DOCK7: variants seen among roughly 807,000 people sequenced by gnomAD.
The protein encoded by DOCK7 is dedicator of cytokinesis 7.
In DOCK7, 138 loss-of-function variants were observed where a neutral mutation model predicts 271.0. That is an observed-to-expected ratio of 0.51 (90% CI 0.44 to 0.59). The LOEUF is 0.59. Ranked by LOEUF, DOCK7 falls within the 20% of genes least tolerant of loss-of-function variation. The pLI, the probability that DOCK7 is intolerant of heterozygous loss-of-function variation, is 0.00. For missense variants in DOCK7, 2,066 were observed against 2,592.4 expected, an observed-to-expected ratio of 0.80 and a Z score of 4.41; for synonymous variants, 823 against 876.1, an observed-to-expected ratio of 0.94 and a Z score of 1.07.
At chr1:62,502,565 G>A (rs1181728846) in intron 37 of DOCK7, among the ~76,000 whole-genome samples, 1 of 152,124 alleles carries the variant, frequency 6.6e-6, no homozygotes, top group Non-Finnish European at 1.5e-5. Context: ...CCACAAAAAC[G>A]AATTTTCACT....
In DOCK7 at chr1:62,562,125, A is replaced by G. The variant is rs1326870442; in HGVS notation, c.2113-422T>C. ...TCATGTCAATAAATTCAAATTTACA[A>G]TATCATTTTAATGGCCTCTAATATT... is the stretch of plus-strand genomic sequence containing the variant. On this transcript the variant is annotated intron_variant, in intron 18 of 49. Transcript: ENST00000635253. Among the ~76,000 whole-genome samples the G allele has an allele frequency of 3.3e-5, 5 of 151,882 alleles. No individual in the cohort carries two copies. The East Asian group carries it at 9.7e-4, about 29-fold the overall frequency.
At chr1:62,667,799 C>T (rs1216720418) in intron 1 of DOCK7, among the ~76,000 whole-genome samples, 1 of 152,134 alleles carries the variant, frequency 6.6e-6, no homozygotes, top group Admixed American at 6.5e-5. Context: ...AGGCGAACTG[C>T]CTGAGGTCAG....
chr1:62,566,993 T>C (rs1646538878), intron 18 of DOCK7, among the ~76,000 whole-genome samples: 1 of 152,120 alleles, frequency 6.6e-6, no homozygotes, highest in Non-Finnish European at 1.5e-5. Context: ...AAAACCACAA[T>C]GAGATACCAT....
intron 2 of DOCK7, among the ~76,000 whole-genome samples, chr1:62,660,906 C>T (rs187122924): frequency 6.6e-6 from 1 of 152,140 alleles, no homozygotes; most frequent in East Asian, 1.9e-4. Flanking sequence ...CAAGACCAGC[C>T]TAGGCAACAT....
At position 62,631,326 on chromosome 1, in the gene DOCK7, G is replaced by A. The variant is rs1337938869; in HGVS notation, c.1196C>T (p.Ala399Val). The part of the protein sequence containing the change: ...QRLGKYRMPF[A>V]WTAIHLMNIV... ...ATTCATTAAATGGATTGCAGTCCAA[G>A]CAAAAGGCATGCGATATTTCCCAAG... The change falls in exon 11 of 50, where the codon GCT becomes GTT. Residue 399 changes from alanine to valine, a missense_variant. Physicochemically the swap from Ala to Val is moderately conservative, Grantham distance 64. Transcript: ENST00000635253. The A allele has an allele frequency of 6.2e-7, 1 of 1,613,430 alleles. No homozygotes were observed. Among genetic ancestry groups the A allele is most frequent in the Non-Finnish European group, 8.5e-7 (1 of 1,179,794 alleles).
intron 43 of DOCK7, chr1:62,484,167 CT>C (rs1268605614): frequency 1.3e-5 from 2 of 152,194 alleles, no homozygotes; most frequent in Non-Finnish European, 2.9e-5. Flanking sequence ...AACCAAAATA[CT>C]GGCTCACATT....
At position 62,663,084 on chromosome 1, in the gene DOCK7, C is replaced by A. The variant is rs1189009630; in HGVS notation, c.85G>T (p.Gly29Cys). The A allele has an allele frequency of 8.7e-6, 14 of 1,612,524 alleles. No homozygotes were observed. Among genetic ancestry groups the A allele is most frequent in the East Asian group, 2.2e-5 (1 of 44,814 alleles). ...AGGTTTTTGAGCAGTTGGGGAGAAC[C>A]ACTATATTGTCCGGAGATCTGCTTC... ...VRKQISGQYS[G>C]SPQLLKNLNI... The change falls in exon 2 of 50, where the codon GGT becomes TGT. Residue 29 changes from glycine (G) to cysteine (C), a missense_variant. Gly to Cys is a radical substitution (Grantham distance 159, BLOSUM62 -3). This residue lies in a region of DOCK7 where 1,414 missense variants were observed against 1,670.4 expected (regional missense o/e 0.85). Coordinates refer to ENST00000635253, the MANE Select transcript of DOCK7 (RefSeq NM_001367561.1).
intron 14 of DOCK7, among the ~76,000 whole-genome samples, chr1:62,600,190 A>G (rs1649904893): frequency 6.6e-6 from 1 of 151,878 alleles, no homozygotes. Context: ...ATAGTAATAT[A>G]CATTGTGTCT....
Position 62,559,028 on chromosome 1 carries a change from G to T in DOCK7, c.2392C>A (p.Leu798Ile), listed in dbSNP as rs372835437. 48 of 1,613,280 alleles carry T rather than the reference G, an allele frequency of 3.0e-5. No individual in the cohort carries two copies. The highest frequency in any genetic ancestry group is 4.0e-5 in the Non-Finnish European group (47 of 1,179,734). The change falls in exon 20 of 50, where the codon CTT (leucine) becomes ATT (isoleucine). Residue 798 changes from leucine to isoleucine, a missense_variant. Transcript: ENST00000635253. ...ATGACAGGAGGTCTAATAACTAAAA[G>T]TATCAGTTTATCTAGCAGAAGATGA... ...FLHLLLDKLI[L>I]LVIRPPVIAG...
At chr1:62,516,696 C>T (rs1289200951) in intron 31 of DOCK7, 1 of 152,106 alleles carries the variant, frequency 6.6e-6, no homozygotes, top group Non-Finnish European at 1.5e-5. Flanking sequence ...ATTATTTTCC[C>T]CAGTTTGTGT....
chr1:62,586,720 A>G (rs1647588955), intron 14 of DOCK7, 96 bp from the exon 15 acceptor site: 1 of 646,106 alleles, frequency 1.5e-6, no homozygotes, highest in African/African-American at 1.9e-5. Flanking sequence ...CAAATACTGA[A>G]TTACTGATAT....
Position 62,537,881 on chromosome 1 carries a change from A to G in DOCK7, c.3471+10T>C, listed in dbSNP as rs1645398536. On this transcript the variant is annotated intron_variant, in intron 28 of 49. Coordinates refer to ENST00000635253, the MANE Select transcript of DOCK7 (RefSeq NM_001367561.1). ...CTTTAAATATATGTATATTCACACA[A>G]TTTGCATACCTGAGATGTTGCAGAA... 6.2e-7 allele frequency: 1 copy of G among 1,609,558 alleles called. No homozygotes were observed.
At chr1:62,553,280 G>A (rs1645978041) in intron 21 of DOCK7, among the ~76,000 whole-genome samples, 1 of 135,780 alleles carries the variant, frequency 7.4e-6, no homozygotes, top group Non-Finnish European at 1.5e-5. Flanking sequence ...CGATCCGCCT[G>A]AAGAGGCAGG....
intron 47 of DOCK7, among the ~76,000 whole-genome samples, chr1:62,474,291 CT>C (rs944028453): frequency 1.3e-5 from 2 of 152,180 alleles, no homozygotes; most frequent in African/African-American, 2.4e-5. Context: ...GAATTAACTT[CT>C]TATGAGTTTA....
intron 14 of DOCK7, chr1:62,609,466 T>G (rs76133718): frequency 6.6e-6 from 1 of 152,186 alleles, no homozygotes; most frequent in Non-Finnish European, 1.5e-5. Context: ...TAGATGGGAA[T>G]AATAATCCTG....
intron 22 of DOCK7, among the ~76,000 whole-genome samples, chr1:62,546,321 G>A (rs1471428675): frequency 6.6e-6 from 1 of 152,012 alleles, no homozygotes; most frequent in African/African-American, 2.4e-5. Flanking sequence ...CAACCCTCAA[G>A]GGCTTAGGTT....
chr1:62,480,548 A>AG (rs1646090765), intron 43 of DOCK7, among the ~76,000 whole-genome samples: 2 of 152,238 alleles, frequency 1.3e-5, no homozygotes, highest in South Asian at 4.1e-4. Flanking sequence ...GGTAATGCAT[A>AG]GGGTTCTACT....
intron 1 of DOCK7, among the ~76,000 whole-genome samples, chr1:62,676,757 T>C (rs1218988172): frequency 4.6e-5 from 7 of 152,216 alleles, no homozygotes; most frequent in African/African-American, 1.4e-4. Flanking sequence ...AAGGAGTTAG[T>C]TCTGTTTTCT....
chr1:62,630,009 A>G (rs1654421784), intron 11 of DOCK7, among the ~76,000 whole-genome samples: 1 of 152,234 alleles, frequency 6.6e-6, no homozygotes, highest in Non-Finnish European at 1.5e-5. Flanking sequence ...CCAGCAGCGC[A>G]TGAAAGAAGG....
Sources: gnomAD v4.1 joint callset for allele counts (sites outside exome capture counted in the v4.1 genomes callset) on GRCh38, gnomAD v4.1.1 for gene constraint, gnomAD v4.1.1 regional missense constraint, MANE v1.5 for transcripts, NCBI Gene and HGNC (gene_info 2026-07-23, HGNC 2026-07-21) for gene names.